The following ZBED4 variants were observed in gnomAD, a reference collection of about 807,000 sequenced individuals.
The protein encoded by ZBED4 is zinc finger BED domain-containing protein 4.
In ZBED4, 4 loss-of-function variants were observed where a neutral mutation model predicts 15.5. That is an observed-to-expected ratio of 0.26 (90% CI 0.13 to 0.59). The LOEUF (loss-of-function observed/expected upper bound fraction) is 0.59. Among genes scored for constraint, ZBED4 ranks in the 20% least tolerant of loss-of-function variants. The probability of loss-of-function intolerance (pLI) is 0.90; values close to 1 mark genes in which losing one functional copy is unlikely to be tolerated. For synonymous variants in ZBED4, 692 were observed against 608.5 expected (o/e 1.14, Z -2.02); for missense variants, 1,323 against 1,461.8 (o/e 0.91, Z 1.55).
chr22:49,877,104 C>T (rs2060380346), intron 1 of ZBED4, among the ~76,000 whole-genome samples: 1 of 152,084 alleles, frequency 6.6e-6, no homozygotes, highest in Non-Finnish European at 1.5e-5. Context: ...TAAATGAACG[C>T]TGGCAGTGAG....
intron 1 of ZBED4, among the ~76,000 whole-genome samples, chr22:49,882,645 C>T (rs1014402276): frequency 3.3e-5 from 5 of 152,204 alleles, no homozygotes; most frequent in Admixed American, 6.5e-5. Context: ...GTCTTTGTAA[C>T]GCCATGTTCC....
At chr22:49,880,528 T>G (rs765390851) in intron 1 of ZBED4, among the ~76,000 whole-genome samples, 1 of 152,248 alleles carries the variant, frequency 6.6e-6, no homozygotes, top group Non-Finnish European at 1.5e-5. Context: ...TTCACACTTC[T>G]GTGATCACTG....
rs2060431377 is a variant in ZBED4, at chr22:49,885,201, G to C, written c.1539G>C (p.Lys513Asn). 1.2e-6 allele frequency: 2 copies of C among 1,613,936 alleles called. No individual in the cohort carries two copies. Among genetic ancestry groups the C allele is most frequent in the African/African-American group, 2.7e-5 (2 of 75,008 alleles). Residue 513 changes from lysine to asparagine, a missense_variant, in exon 2 of 2, where the codon AAG becomes AAC. Lys to Asn is a moderately conservative substitution (Grantham distance 94). Transcript: ENST00000216268. ...ATCCAGAAGTTGTCGGGAGCCAGAAGGGCTTCCTGGGTGCAAGTCTGGCAA... is the reference window on the plus strand; with the variant it reads ...ATCCAGAAGTTGTCGGGAGCCAGAACGGCTTCCTGGGTGCAAGTCTGGCAA... ...RRHPEVVGSQ[K>N]GFLGASLANS...
At chr22:49,874,361 T>C (rs1317833428) in intron 1 of ZBED4, among the ~76,000 whole-genome samples, 1 of 152,118 alleles carries the variant, frequency 6.6e-6, no homozygotes, top group African/African-American at 2.4e-5. Context: ...CATATGGTTT[T>C]CCTCCTTTTG....
intron 1 of ZBED4, among the ~76,000 whole-genome samples, chr22:49,880,442 C>T (rs1405141132): frequency 6.6e-6 from 1 of 152,248 alleles, no homozygotes; most frequent in African/African-American, 2.4e-5. Context: ...CTGCCAAGTT[C>T]CGACTCCCCG....
rs140715954 is a variant in ZBED4, at chr22:49,886,323, C to T, written c.2661C>T (p.Asp887=). The T allele has an allele frequency of 8.1e-5, 128 of 1,589,370 alleles. No individual in the cohort carries two copies. Among genetic ancestry groups the T allele is most frequent in the African/African-American group, 3.9e-4 (29 of 74,556 alleles). ...TGCCTCAGCATCACCTCATCCAGGA[C>T]GTCCCGTCCAAGTGGAGCACTTCCT... The part of the protein sequence containing the change: ...YALPQHHLIQ[D]VPSKWSTSFH... Residue 887 remains aspartate (D), a synonymous_variant, in exon 2 of 2, where the codon GAC becomes GAT. Coordinates refer to ENST00000216268, the MANE Select transcript of ZBED4 (RefSeq NM_014838.3). The surrounding 1 kb of genome is among the most constrained non-coding windows in gnomAD (Gnocchi z 7.7).
At chr22:49,855,216 A>G (rs980711375) in intron 1 of ZBED4, among the ~76,000 whole-genome samples, 1 of 152,114 alleles carries the variant, frequency 6.6e-6, no homozygotes, top group African/African-American at 2.4e-5. Context: ...ATCTAGCACA[A>G]GTTAAGAGAG....
At chr22:49,877,983 T>G (rs4824110) in intron 1 of ZBED4, among the ~76,000 whole-genome samples, 1 of 152,046 alleles carries the variant, frequency 6.6e-6, no homozygotes. Context: ...ATACTACATA[T>G]AAAGCTGCTG....
chr22:49,878,919 C>G (rs1485540968), intron 1 of ZBED4, among the ~76,000 whole-genome samples: 1 of 151,718 alleles, frequency 6.6e-6, no homozygotes, highest in Non-Finnish European at 1.5e-5. Context: ...CCGAGGCGGG[C>G]AGATCACGAG....
At chr22:49,862,635 C>T (rs995562875) in intron 1 of ZBED4, among the ~76,000 whole-genome samples, 2 of 149,520 alleles carry the variant, frequency 1.3e-5, no homozygotes, top group Admixed American at 1.3e-4. Context: ...GCAGCTACTT[C>T]CTTATTCTTT....
Position 49,883,841 on chromosome 22 carries a change from G to T in ZBED4, c.179G>T (p.Gly60Val), listed in dbSNP as rs149604474. 2.0e-5 allele frequency: 33 copies of T among 1,610,656 alleles called. No homozygotes were observed. Among genetic ancestry groups the T allele is most frequent in the Non-Finnish European group, 2.8e-5 (33 of 1,177,340 alleles). ...ACAGACAGCGGTGGGGAGCGAGCGG[G>T]CCTCGGTGGGACGGGTTGCAGCTGC... ...KQTDSGGERA[G>V]LGGTGCSCKP... Residue 60 changes from glycine to valine, a missense_variant, in exon 2 of 2, where the codon GGC becomes GTC. Physicochemically the swap from Gly to Val is moderately radical, Grantham distance 109. Coordinates refer to ENST00000216268, the MANE Select transcript of ZBED4 (RefSeq NM_014838.3).
upstream of ZBED4, chr22:49,853,244 C>G (rs1300330131): frequency 6.5e-6 from 1 of 152,672 alleles, no homozygotes; most frequent in Non-Finnish European, 1.5e-5. Flanking sequence ...ACCGCCAGCC[C>G]CGGCCCCGCG....
In ZBED4 at chr22:49,885,918, C is replaced by A; in HGVS notation, c.2256C>A (p.Ser752=). 1.1e-6 allele frequency: 1 copy of A among 923,624 alleles called. No individual in the cohort carries two copies. Among genetic ancestry groups the A allele is most frequent in the Non-Finnish European group, 1.7e-6 (1 of 572,474 alleles). 57.2% of individuals were successfully genotyped at this position (923,624 alleles called of 1,614,324 possible). A position where few individuals can be genotyped will look rare whatever the true frequency, so the allele number is the denominator to read the frequency against. The change falls in exon 2 of 2, where the codon TCC becomes TCA. Residue 752 remains serine, a synonymous_variant. Transcript: ENST00000216268. ...EYLTLTAHWV[S]FESPARPRCD... ...TGACCCTCACGGCCCACTGGGTTTC[C>A]TTCGAGTCGCCAGCCCGGCCGCGCT...
Position 49,884,036 on chromosome 22 carries a change from T to G in ZBED4, c.374T>G (p.Phe125Cys). Residue 125 changes from phenylalanine (F) to cysteine (C), a missense_variant, in exon 2 of 2, where the codon TTT becomes TGT. Phe to Cys is a radical substitution (Grantham distance 205). Around this residue, in one of 6 missense-constraint regions of ZBED4, gnomAD observed 380 missense variants for 413.7 expected, o/e 0.92. Transcript: ENST00000216268. ...AAGTCTCCAGCCTGGAAGCATTTTTTTATCTCTCCCCGAGACAGCACTAAA... is the reference window on the plus strand; with the variant it reads ...AAGTCTCCAGCCTGGAAGCATTTTTGTATCTCTCCCCGAGACAGCACTAAA... The part of the protein sequence containing the change: ...RKKSPAWKHF[F>C]ISPRDSTKAI... The G allele has an allele frequency of 9.3e-6, 15 of 1,605,684 alleles. No homozygotes were observed. The highest frequency in any genetic ancestry group is 1.2e-5 in the Non-Finnish European group (14 of 1,177,234).
At position 49,862,080 on chromosome 22, in the gene ZBED4, G is replaced by C. The variant is rs1367522925; in HGVS notation, c.-330+8091G>C. ...TCTTGAACGGGTTTTCATTTAATTT[G>C]CTTCAATCTGAATGTGAAAAATGAA... On this transcript the variant is annotated intron_variant, in intron 1 of 1. Transcript: ENST00000216268. Among the ~76,000 whole-genome samples the C allele has an allele frequency of 2.0e-5, 3 of 152,184 alleles. No individual in the cohort carries two copies. The East Asian group carries it at 5.8e-4, about 29-fold the overall frequency.
At chr22:49,880,251 AAC>A (rs1486258319) in intron 1 of ZBED4, among the ~76,000 whole-genome samples, 3 of 152,072 alleles carry the variant, frequency 2.0e-5, no homozygotes, top group Non-Finnish European at 2.9e-5. Context: ...TGGTGGTGGA[AAC>A]ACAAGCTGTT....
Position 49,884,780 on chromosome 22 carries a change from C to T in ZBED4, c.1118C>T (p.Ser373Phe). The change falls in exon 2 of 2, where the codon TCC becomes TTC. Residue 373 changes from serine (S) to phenylalanine (F), a missense_variant. Around this residue, in one of 6 missense-constraint regions of ZBED4, gnomAD observed 429 missense variants for 397.9 expected, o/e 1.08. Coordinates refer to ENST00000216268, the MANE Select transcript of ZBED4 (RefSeq NM_014838.3). ...LPPEGELSSV[S>F]SSPVKPVRES... Reference sequence around the variant, plus strand: ...CCGGAGGGGGAGCTCAGCTCTGTGTCCTCGTCTCCAGTAAAGCCGGTCAGA... The same window carrying T: ...CCGGAGGGGGAGCTCAGCTCTGTGTTCTCGTCTCCAGTAAAGCCGGTCAGA... The T allele has an allele frequency of 1.2e-6, 2 of 1,606,912 alleles. No individual in the cohort carries two copies. The highest frequency in any genetic ancestry group is 2.2e-5 in the East Asian group (1 of 44,708).
At chr22:49,875,226 ATTTT>A (rs1034984951) in intron 1 of ZBED4, among the ~76,000 whole-genome samples, 2 of 141,842 alleles carry the variant, frequency 1.4e-5, no homozygotes, top group African/African-American at 5.2e-5. Context: ...AAGAATTTGT[ATTTT>A]TTTTTTCTTT....
rs138969021 is a variant in ZBED4 at position 49,889,400 on chromosome 22, ACT to A, written c.*2223_*2224del. The A allele has an allele frequency of 0.011, 1,820 of 167,134 alleles. 26 individuals are homozygous for A. The highest frequency in any genetic ancestry group is 0.027 in the South Asian group (132 of 4,822). The allele number at this position is 167,134 out of a possible 1,614,324, so 10.4% of individuals were successfully genotyped here. ...GGGACAAACAGGGCTGAAAATACTC[ACT>A]GTTTGGCCCTTTCCAGAATAGCAAG... On this transcript the variant is annotated 3_prime_UTR_variant, in exon 2 of 2. Transcript: ENST00000216268.
Sources: allele counts gnomAD v4.1 joint callset (sites outside exome capture counted in the v4.1 genomes callset), GRCh38; gene constraint gnomAD v4.1.1; regional missense constraint gnomAD v4.1.1; non-coding constraint Gnocchi (gnomAD v3.1); transcripts MANE v1.5; gene names NCBI Gene and HGNC (gene_info 2026-07-23, HGNC 2026-07-21).